The following TBCK variants were observed in gnomAD, a reference collection of about 807,000 sequenced individuals.
TBCK encodes the protein TBC domain-containing protein kinase-like protein.
In TBCK, 99 loss-of-function variants were observed where a neutral mutation model predicts 113.4. The observed-to-expected ratio is 0.87, with a 90% CI of 0.74 to 1.03. The LOEUF (loss-of-function observed/expected upper bound fraction) is 1.03, where lower values mean the gene tolerates loss of function less well. Among genes scored for constraint, TBCK ranks in the 50% least tolerant of loss-of-function variants. The pLI, the probability that TBCK is intolerant of heterozygous loss-of-function variation, is 0.00. For missense variants in TBCK, 1,045 were observed against 1,061.3 expected, an observed-to-expected ratio of 0.98 and a Z score of 0.21; for synonymous variants, 369 against 370.8, an observed-to-expected ratio of 1.00 and a Z score of 0.05.
At chr4:106,256,982 T>C (rs1183651413) in intron 5 of TBCK, among the ~76,000 whole-genome samples, 2 of 152,132 alleles carry the variant, frequency 1.3e-5, no homozygotes, top group Admixed American at 1.3e-4. Flanking sequence ...TATCTTTTTA[T>C]AAACCCTCTA....
At chr4:106,312,539 T>C (rs1460343748) in intron 1 of TBCK, among the ~76,000 whole-genome samples, 2 of 152,170 alleles carry the variant, frequency 1.3e-5, no homozygotes, top group African/African-American at 4.8e-5. Flanking sequence ...GGAAAATATT[T>C]GGAAAACTTT....
At chr4:106,173,446 G>T (rs527523796) in intron 22 of TBCK, among the ~76,000 whole-genome samples, 3 of 152,080 alleles carry the variant, frequency 2.0e-5, no homozygotes, top group Non-Finnish European at 4.4e-5. Flanking sequence ...CAAAGGAAAG[G>T]GTTTCAGTCC....
At chr4:106,066,694 C>G (rs80154019) in intron 25 of TBCK, among the ~76,000 whole-genome samples, 1 of 151,970 alleles carries the variant, frequency 6.6e-6, no homozygotes, top group South Asian at 2.1e-4. Flanking sequence ...CCTCCCTCCC[C>G]CAGCCCGTGG....
At chr4:106,161,854 C>G (rs960537531) in intron 23 of TBCK, among the ~76,000 whole-genome samples, 1 of 152,072 alleles carries the variant, frequency 6.6e-6, no homozygotes, top group African/African-American at 2.4e-5. Context: ...TGAAACAACA[C>G]AAATGCTATG....
chr4:106,055,464 A>G (rs1735276074), intron 25 of TBCK, among the ~76,000 whole-genome samples: 1 of 151,590 alleles, frequency 6.6e-6, no homozygotes, highest in Non-Finnish European at 1.5e-5. Flanking sequence ...GTCAAGACAA[A>G]TAAATATTTT....
Position 106,132,250 on chromosome 4 carries a change from T to C in TBCK, c.2236-15872A>G, listed in dbSNP as rs373816942. On this transcript the variant is annotated intron_variant, in intron 23 of 25. Coordinates refer to ENST00000394708, the MANE Select transcript of TBCK (RefSeq NM_001163435.3). ...GGAGGCCTAGGAGCAAAAAATGGTT[T>C]TGTGGGTGGGGCCCAGGGCCCCACT... 1.7e-4 allele frequency among the ~76,000 whole-genome samples: 26 copies of C among 152,234 alleles called. No homozygotes were observed. In the East Asian group the frequency reaches 4.3e-3, roughly 25 times the overall value.
intron 23 of TBCK, among the ~76,000 whole-genome samples, chr4:106,149,843 G>C (rs76492712): frequency 0.13 from 19,718 of 152,218 alleles, 1,613 homozygotes; most frequent in South Asian, 0.24. Context: ...TGAAAGTGCA[G>C]TGATGAGAAG....
Position 106,222,165 on chromosome 4 carries a change from C to A in TBCK, c.1774+8198G>T, listed in dbSNP as rs543438384. Among the ~76,000 whole-genome samples, 556 of 144,232 alleles carry A rather than the reference C, an allele frequency of 3.9e-3. 3 individuals carry two copies. Among genetic ancestry groups the A allele is most frequent in the African/African-American group, 0.015 (529 of 34,380 alleles). 94.6% of individuals were successfully genotyped at this position (144,232 alleles called of 152,430 possible). On this transcript the variant is annotated intron_variant, in intron 19 of 25. Coordinates refer to ENST00000394708, the MANE Select transcript of TBCK (RefSeq NM_001163435.3). ...AGTTTATTATATTACAGTATAAAAT[C>A]TATCTAATATAAATTTTCTTCATTT...
At chr4:106,182,962 C>T (rs1254081369) in intron 22 of TBCK, among the ~76,000 whole-genome samples, 3 of 152,016 alleles carry the variant, frequency 2.0e-5, no homozygotes, top group Admixed American at 1.3e-4. Flanking sequence ...CACTGATCCA[C>T]GTTTAAGGAC....
intron 3 of TBCK, among the ~76,000 whole-genome samples, chr4:106,279,704 T>G (rs975719879): frequency 6.6e-6 from 1 of 152,194 alleles, no homozygotes; most frequent in African/African-American, 2.4e-5. Flanking sequence ...TGTCCCTGGC[T>G]TATATCATTT....
chr4:106,121,910 C>T (rs1007068504), intron 23 of TBCK, among the ~76,000 whole-genome samples: 23 of 151,982 alleles, frequency 1.5e-4, no homozygotes, highest in Admixed American at 5.2e-4. Flanking sequence ...TAAATGCCCA[C>T]AAGAGAAAGC....
intron 19 of TBCK, among the ~76,000 whole-genome samples, chr4:106,221,221 GT>G (rs1381472343): frequency 2.0e-5 from 3 of 152,112 alleles, no homozygotes; most frequent in African/African-American, 7.2e-5. Flanking sequence ...CTGACCTCAG[GT>G]GATCTGCCCG....
In TBCK at chr4:106,205,894, T is replaced by C. The variant is rs567028706; in HGVS notation, c.1860+6856A>G. Among the ~76,000 whole-genome samples, 164 of 152,070 alleles carry C rather than the reference T, an allele frequency of 1.1e-3. 1 individual carries two copies. The highest frequency in any genetic ancestry group is 3.4e-3 in the Middle Eastern group (1 of 292). On this transcript the variant is annotated intron_variant, in intron 20 of 25. Transcript: ENST00000394708. ...TCATATAGTTAAACAAGTAAAAAGA[T>C]TATAAAAATGTAAAAGATTATAAAA...
chr4:106,242,410 C>T (rs2150032245), intron 12 of TBCK, 60 bp downstream of exon 12: 1 of 1,283,698 alleles, frequency 7.8e-7, no homozygotes, highest in East Asian at 2.5e-5. Context: ...TCTTGTGTAT[C>T]TGTAAGGTTT....
chr4:106,207,880 T>G (rs1337829466), intron 20 of TBCK, among the ~76,000 whole-genome samples: 1 of 152,232 alleles, frequency 6.6e-6, no homozygotes, highest in Non-Finnish European at 1.5e-5. Context: ...TAAGATATAT[T>G]ATTTCCCCTC....
intron 23 of TBCK, among the ~76,000 whole-genome samples, chr4:106,119,461 T>C (rs1023248682): frequency 1.3e-5 from 2 of 152,046 alleles, no homozygotes; most frequent in African/African-American, 2.4e-5. Flanking sequence ...AATATCTATA[T>C]GCAGAAAAAT....
chr4:106,093,516 A>G lies in TBCK; in HGVS notation c.2571+1966T>C, dbSNP rs140312676. ...GGCGAGACTCGTCTCAAACAAACAA[A>G]CAAACAAAAAGTTAATGCTGCTATC... On this transcript the variant is annotated intron_variant, in intron 25 of 25. Transcript: ENST00000394708. Among the ~76,000 whole-genome samples, 17 of 152,272 alleles carry G rather than the reference A, an allele frequency of 1.1e-4. No homozygotes were observed. In the East Asian group the frequency reaches 3.1e-3, roughly 28 times the overall value.
intron 19 of TBCK, among the ~76,000 whole-genome samples, chr4:106,217,081 G>A (rs1347702246): frequency 6.6e-6 from 1 of 151,382 alleles, no homozygotes; most frequent in Non-Finnish European, 1.5e-5. Context: ...ATCAATAAAT[G>A]TAATCCAGCA....
chr4:106,304,214 C>T (rs1767259573), intron 2 of TBCK, among the ~76,000 whole-genome samples: 1 of 152,110 alleles, frequency 6.6e-6, no homozygotes, highest in Admixed American at 6.5e-5. Context: ...TAAAGCTCTC[C>T]TTTCTAAGTT....
Sources: gnomAD v4.1 joint callset for allele counts (sites outside exome capture counted in the v4.1 genomes callset) on GRCh38, gnomAD v4.1.1 for gene constraint, MANE v1.5 for transcripts, NCBI Gene and HGNC (gene_info 2026-07-23, HGNC 2026-07-21) for gene names.